AKAP6: variants seen among roughly 807,000 people sequenced by gnomAD.
The protein encoded by AKAP6 is A-kinase anchoring protein 6.
Under a neutral mutation model 188.5 loss-of-function variants are expected in AKAP6, and 58 were observed. That is an observed-to-expected ratio of 0.31 (90% CI 0.25 to 0.38). The LOEUF (loss-of-function observed/expected upper bound fraction) is 0.38, where lower values mean the gene tolerates loss of function less well. Ranked by LOEUF, AKAP6 falls within the 10% of genes least tolerant of loss-of-function variation. AKAP6 has a pLI of 1.00. For synonymous variants in AKAP6, 989 were observed against 998.6 expected, an observed-to-expected ratio of 0.99 and a Z score of 0.18; for missense variants, 2,710 against 2,740.0, an observed-to-expected ratio of 0.99 and a Z score of 0.24.
intron 2 of AKAP6, among the ~76,000 whole-genome samples, chr14:32,509,012 C>T (rs1434626022): frequency 1.3e-5 from 2 of 150,748 alleles, no homozygotes; most frequent in Non-Finnish European, 3.0e-5. Flanking sequence ...TTAGTAGAGA[C>T]GGAGTTTCAC....
At chr14:32,727,626 A>G (rs1219497937) in intron 9 of AKAP6, among the ~76,000 whole-genome samples, 2 of 152,230 alleles carry the variant, frequency 1.3e-5, no homozygotes, top group African/African-American at 4.8e-5. Context: ...GGAAAACTCA[A>G]TTCTTAACCT....
intron 2 of AKAP6, among the ~76,000 whole-genome samples, chr14:32,485,834 C>G (rs1879655498): frequency 1.3e-5 from 2 of 152,114 alleles, no homozygotes; most frequent in African/African-American, 4.8e-5. Flanking sequence ...TCCCATTTGT[C>G]AATTTTGGCT....
intron 7 of AKAP6, among the ~76,000 whole-genome samples, chr14:32,661,153 A>T (rs976377701): frequency 3.9e-5 from 6 of 152,024 alleles, no homozygotes; most frequent in Middle Eastern, 3.2e-3. Context: ...GAATAGTAGG[A>T]AGTCAAAATG....
rs146471582 is a variant in AKAP6, at chr14:32,340,781, T to C, written c.-35+11373T>C. Among the ~76,000 whole-genome samples the C allele has an allele frequency of 1.3e-3, 201 of 152,352 alleles. 1 individual carries two copies. The highest frequency in any genetic ancestry group is 4.6e-3 in the African/African-American group (192 of 41,590). Reference sequence around the variant, plus strand: ...AGGTCAAGGTACCAAAGATTTGGTGTCAGGTGAGTCCACTTTCTGGTTCAC... The same window carrying C: ...AGGTCAAGGTACCAAAGATTTGGTGCCAGGTGAGTCCACTTTCTGGTTCAC... On this transcript the variant is annotated intron_variant, in intron 1 of 13. Coordinates refer to ENST00000280979, the MANE Select transcript of AKAP6 (RefSeq NM_004274.5).
chr14:32,569,309 G>A (rs185661578), intron 4 of AKAP6, among the ~76,000 whole-genome samples: 57 of 152,284 alleles, frequency 3.7e-4, no homozygotes, highest in East Asian at 2.1e-3. Flanking sequence ...TTCATTGGGC[G>A]TTTCAGTATT....
At chr14:32,462,123 C>A (rs1050234463) in intron 2 of AKAP6, among the ~76,000 whole-genome samples, 1 of 152,024 alleles carries the variant, frequency 6.6e-6, no homozygotes, top group Non-Finnish European at 1.5e-5. Context: ...CTGAAAGTGG[C>A]AGGGAGAATG....
intron 1 of AKAP6, among the ~76,000 whole-genome samples, chr14:32,358,485 C>T (rs573987617): frequency 6.6e-6 from 1 of 152,172 alleles, no homozygotes; most frequent in Admixed American, 6.5e-5. Context: ...ACTTTATTTC[C>T]CTTGTTTTTT....
chr14:32,723,329 C>T (rs1398273651), intron 9 of AKAP6, among the ~76,000 whole-genome samples: 2 of 152,110 alleles, frequency 1.3e-5, no homozygotes, highest in Non-Finnish European at 2.9e-5. Flanking sequence ...TGGTTATTAA[C>T]TCTGCCTGAC....
intron 12 of AKAP6, among the ~76,000 whole-genome samples, chr14:32,797,293 A>G (rs1398680076): frequency 6.6e-6 from 1 of 151,458 alleles, no homozygotes; most frequent in Admixed American, 6.6e-5. Context: ...ACCCAAAGGA[A>G]TATAAAAGAT....
chr14:32,772,114 A>G (rs2032917304), intron 11 of AKAP6, among the ~76,000 whole-genome samples: 1 of 152,042 alleles, frequency 6.6e-6, no homozygotes, highest in Non-Finnish European at 1.5e-5. Flanking sequence ...GAAAGAGAAC[A>G]TGCACGTGGG....
At chr14:32,562,183 A>G (rs1156882013) in intron 4 of AKAP6, among the ~76,000 whole-genome samples, 2 of 152,098 alleles carry the variant, frequency 1.3e-5, no homozygotes, top group Non-Finnish European at 2.9e-5. Context: ...GTCTAGGAAT[A>G]AAGGAAGTTG....
At chr14:32,432,712 G>A (rs897805387) in intron 1 of AKAP6, among the ~76,000 whole-genome samples, 3 of 152,176 alleles carry the variant, frequency 2.0e-5, no homozygotes, top group Non-Finnish European at 4.4e-5. Flanking sequence ...CCACGTAGCT[G>A]TCCCACGTAT....
At chr14:32,756,849 G>T (rs964889459) in intron 11 of AKAP6, among the ~76,000 whole-genome samples, 1 of 152,110 alleles carries the variant, frequency 6.6e-6, no homozygotes, top group Non-Finnish European at 1.5e-5. Context: ...GCAGCCTCCT[G>T]CCTAGAATCA....
intron 1 of AKAP6, among the ~76,000 whole-genome samples, chr14:32,387,437 A>G (rs1033233767): frequency 6.7e-6 from 1 of 149,536 alleles, no homozygotes; most frequent in African/African-American, 2.4e-5. Context: ...TTTGTCATCG[A>G]TGGCTTTTAT....
chr14:32,493,726 C>A (rs888686292), intron 2 of AKAP6, among the ~76,000 whole-genome samples: 26 of 152,118 alleles, frequency 1.7e-4, no homozygotes, highest in Non-Finnish European at 2.9e-5. Flanking sequence ...TATGTGTGCT[C>A]CATTGATTCT....
At chr14:32,382,357 C>A (rs1471658255) in intron 1 of AKAP6, among the ~76,000 whole-genome samples, 2 of 152,086 alleles carry the variant, frequency 1.3e-5, no homozygotes, top group African/African-American at 4.8e-5. Context: ...AGTCCTGGTC[C>A]CACCATGTTC....
chr14:32,529,331 T>C (rs996084153), intron 2 of AKAP6, among the ~76,000 whole-genome samples: 5 of 152,242 alleles, frequency 3.3e-5, no homozygotes, highest in Non-Finnish European at 7.3e-5. Flanking sequence ...TTCTGCAACG[T>C]TGCTATGATT....
At chr14:32,433,973 A>G (rs1479102694) in intron 2 of AKAP6, 156 bp downstream of exon 2, 9 of 682,894 alleles carry the variant, frequency 1.3e-5, no homozygotes, top group Non-Finnish European at 2.1e-5. Flanking sequence ...CATGGAAATA[A>G]TTAATTCTTC....
intron 13 of AKAP6, among the ~76,000 whole-genome samples, chr14:32,825,038 A>G (rs555029712): frequency 6.6e-6 from 1 of 152,334 alleles, no homozygotes; most frequent in South Asian, 2.1e-4. Flanking sequence ...TCTTTATTAC[A>G]TAATTCTGGC....
Sources: gnomAD v4.1 joint callset for allele counts (sites outside exome capture counted in the v4.1 genomes callset) on GRCh38, gnomAD v4.1.1 for gene constraint, MANE v1.5 for transcripts, NCBI Gene and HGNC (gene_info 2026-07-23, HGNC 2026-07-21) for gene names.